PKDCC: variants seen among roughly 807,000 people sequenced by gnomAD.
PKDCC encodes the protein protein kinase domain containing, cytoplasmic.
PKDCC carries 35 observed loss-of-function variants against 44.7 expected under a neutral mutation model. The observed-to-expected ratio is 0.78, with a 90% CI of 0.60 to 1.04. PKDCC has a LOEUF of 1.04. Among genes scored for constraint, PKDCC ranks in the 50% least tolerant of loss-of-function variants. PKDCC has a pLI of 0.00. For missense variants in PKDCC, 738 were observed against 672.7 expected (o/e 1.10, Z -1.07); for synonymous variants, 353 against 303.3 (o/e 1.16, Z -1.70).
In PKDCC at chr2:42,048,737, C is replaced by A. The variant is rs1388609605; in HGVS notation, c.538C>A (p.Arg180Ser). ...FSGHDLGSCV[R>S]EFGVRRGCYR... is the part of the protein sequence containing the mutation. ...CGGCCACGATCTGGGCAGCTGCGTG[C>A]GCGAGTTCGGGGTACGGAGGGGCTG... Residue 180 changes from arginine (R) to serine (S), a missense_variant, in exon 1 of 7, where the codon CGC becomes AGC. Coordinates refer to ENST00000294964, the MANE Select transcript of PKDCC (RefSeq NM_138370.3). This position sits in a 1 kb window ranked among gnomAD's most constrained non-coding sequence, Gnocchi z 6.2. The A allele has an allele frequency of 1.3e-6, 2 of 1,573,258 alleles. No individual in the cohort carries two copies. The highest frequency in any genetic ancestry group is 2.3e-5 in the East Asian group (1 of 43,016).
At position 42,055,321 on chromosome 2, in the gene PKDCC, C is replaced by T; in HGVS notation, c.1150C>T (p.Gln384Ter). 1 of 1,613,690 alleles carries T rather than the reference C, an allele frequency of 6.2e-7. No homozygotes were observed. Among genetic ancestry groups the T allele is most frequent in the Non-Finnish European group, 8.5e-7 (1 of 1,179,994 alleles). The part of the protein sequence containing the change: ...LAWGVDETLA[Q>*]LEKVLHLYRS... Reference sequence around the variant, plus strand: ...CTGGGGGGTGGACGAGACCCTGGCCCAGCTGGAGAAGGTGCTGCACCTGTA... The same window carrying T: ...CTGGGGGGTGGACGAGACCCTGGCCTAGCTGGAGAAGGTGCTGCACCTGTA... Residue 384 changes from glutamine (Q) to a stop codon, truncating the protein, a stop_gained, in exon 5 of 7, where the codon CAG (glutamine) becomes TAG (stop). Coordinates refer to ENST00000294964, the MANE Select transcript of PKDCC (RefSeq NM_138370.3). LOFTEE classifies it high-confidence loss of function. The surrounding 1 kb of genome is among the most constrained non-coding windows in gnomAD (Gnocchi z 4.5).
chr2:42,054,595 A>G lies in PKDCC; in HGVS notation c.1034+288A>G. On this transcript the variant is annotated intron_variant, in intron 3 of 6. Transcript: ENST00000294964. This position sits in a 1 kb window ranked among gnomAD's most constrained non-coding sequence, Gnocchi z 6.1. ...GTGGAACTGGCACTTTTCCCTTCCC[A>G]CCCAGGCCCTTGTGCTCTGGGAAAT... 1 of 537,750 alleles carries G rather than the reference A, an allele frequency of 1.9e-6. No homozygotes were observed. The allele number at this position is 537,750 out of a possible 1,614,324, so 33.3% of individuals were successfully genotyped here. A position where few individuals can be genotyped will look rare whatever the true frequency, so the allele number is the denominator to read the frequency against.
rs1667964461 is a variant in PKDCC at position 42,051,367 on chromosome 2, C to G, written c.640-1872C>G. On this transcript the variant is annotated intron_variant, in intron 1 of 6. Coordinates refer to ENST00000294964, the MANE Select transcript of PKDCC (RefSeq NM_138370.3). The surrounding 1 kb of genome is among the most constrained non-coding windows in gnomAD (Gnocchi z 4.2). ...CCCTCCCCCAGTCATCCTGGGGCCC[C>G]CAGGCCTTGGATGGGCCCCCAGGCC... Among the ~76,000 whole-genome samples, 1 of 83,360 alleles carries G rather than the reference C, an allele frequency of 1.2e-5. No individual in the cohort carries two copies. Among genetic ancestry groups the G allele is most frequent in the Non-Finnish European group, 2.6e-5 (1 of 39,058 alleles). 54.7% of individuals were successfully genotyped at this position (83,360 alleles called of 152,430 possible). A position where few individuals can be genotyped will look rare whatever the true frequency, so the allele number is the denominator to read the frequency against.
Position 42,054,025 on chromosome 2 carries a change from G to A in PKDCC, c.763-11G>A, listed in dbSNP as rs754445250. 2.5e-6 allele frequency: 4 copies of A among 1,606,418 alleles called. No homozygotes were observed. Among genetic ancestry groups the A allele is most frequent in the Admixed American group, 3.3e-5 (2 of 59,830 alleles). On this transcript the variant is annotated splice_polypyrimidine_tract_variant and intron_variant, in intron 2 of 6. Transcript: ENST00000294964. The surrounding 1 kb of genome is among the most constrained non-coding windows in gnomAD (Gnocchi z 6.1). ...GAAAAGCAGTGAGCAGTCTTTTCTTGTGCCCCTCAGATCTGCCTGAGCCTG... is the reference window on the plus strand; with the variant it reads ...GAAAAGCAGTGAGCAGTCTTTTCTTATGCCCCTCAGATCTGCCTGAGCCTG...
At position 42,057,920 on chromosome 2, in the gene PKDCC, G is replaced by C; in HGVS notation, c.*232G>C. On this transcript the variant is annotated 3_prime_UTR_variant, in exon 7 of 7. Transcript: ENST00000294964. ...CTGGCTCCTAGTCCAGGAATCATGGGGGTATGACTGCCTCTCCAACCCTGT... is the reference window on the plus strand; with the variant it reads ...CTGGCTCCTAGTCCAGGAATCATGGCGGTATGACTGCCTCTCCAACCCTGT... 1 of 553,272 alleles carries C rather than the reference G, an allele frequency of 1.8e-6. No individual in the cohort carries two copies. The highest frequency in any genetic ancestry group is 3.1e-5 in the East Asian group (1 of 32,616). 34.3% of individuals were successfully genotyped at this position (553,272 alleles called of 1,614,324 possible).
chr2:42,057,471 G>A (rs1668076539), intron 6 of PKDCC, 77 bp downstream of exon 6: 9 of 1,585,144 alleles, frequency 5.7e-6, no homozygotes, highest in South Asian at 1.1e-5. Context: ...ATCCCCCATC[G>A]GAAGTCAGAG....
At chr2:42,053,025 G>T (rs990365955) in intron 1 of PKDCC, among the ~76,000 whole-genome samples, 1 of 152,192 alleles carries the variant, frequency 6.6e-6, no homozygotes, top group African/African-American at 2.4e-5. Context: ...TACCTGAGTC[G>T]GAAGGGGTGA....
At chr2:42,057,171 T>C (rs777398230) in intron 5 of PKDCC, 50 bp from the exon 6 acceptor site, 3 of 1,596,518 alleles carry the variant, frequency 1.9e-6, no homozygotes, top group South Asian at 2.2e-5. Flanking sequence ...CCTTGGGCAC[T>C]CAAACCTGGG....
intron 2 of PKDCC, 91 bp from the exon 3 acceptor site, chr2:42,053,945 A>G: frequency 6.7e-7 from 1 of 1,500,580 alleles, no homozygotes; most frequent in Non-Finnish European, 9.0e-7. Flanking sequence ...CCACAAGCAA[A>G]GTTCAGATTC....
chr2:42,048,700 G>A lies in PKDCC; in HGVS notation c.501G>A (p.Ala167=). 1.9e-6 allele frequency: 3 copies of A among 1,553,426 alleles called. No homozygotes were observed. The highest frequency in any genetic ancestry group is 2.6e-6 in the Non-Finnish European group (3 of 1,149,774). The change falls in exon 1 of 7, where the codon GCG becomes GCA. Residue 167 remains alanine, a synonymous_variant. Coordinates refer to ENST00000294964, the MANE Select transcript of PKDCC (RefSeq NM_138370.3). This position sits in a 1 kb window ranked among gnomAD's most constrained non-coding sequence, Gnocchi z 6.2. ...LPGGAAVALK[A]VDFSGHDLGS... is the part of the protein sequence containing the mutation. ...GCGGTGCCGCGGTGGCGCTCAAGGCGGTGGACTTTAGCGGCCACGATCTGG... is the reference window on the plus strand; with the variant it reads ...GCGGTGCCGCGGTGGCGCTCAAGGCAGTGGACTTTAGCGGCCACGATCTGG...
In PKDCC at chr2:42,054,112, G is replaced by GC; in HGVS notation, c.842dup (p.Arg282SerfsTer17). 1.2e-6 allele frequency: 2 copies of GC among 1,613,142 alleles called. No individual in the cohort carries two copies. The highest frequency in any genetic ancestry group is 1.7e-6 in the Non-Finnish European group (2 of 1,179,862). ...GGCTCCGTCACTCTGCTGGACTTCC[G>GC]CCCTCGGCAGTTTGTGCTGGTGGAT... is the stretch of plus-strand genomic sequence containing the variant. On this transcript the variant is annotated frameshift_variant, in exon 3 of 7. Transcript: ENST00000294964. LOFTEE classifies it high-confidence loss of function. The surrounding 1 kb of genome is among the most constrained non-coding windows in gnomAD (Gnocchi z 6.1).
chr2:42,050,329 A>T (rs539373271), intron 1 of PKDCC, among the ~76,000 whole-genome samples: 165 of 152,234 alleles, frequency 1.1e-3, no homozygotes, highest in South Asian at 2.9e-3. Context: ...AACTTTTTGG[A>T]AACTCTAGGG....
intron 6 of PKDCC, 36 bp from the exon 7 acceptor site, chr2:42,057,567 C>T (rs1289386635): frequency 1.2e-6 from 2 of 1,603,028 alleles, no homozygotes; most frequent in Middle Eastern, 3.3e-4. Context: ...GAAAGAGAAA[C>T]ATCCAGCCCT....
chr2:42,056,147 TCA>T (rs1326235099), intron 5 of PKDCC, among the ~76,000 whole-genome samples: 1 of 152,062 alleles, frequency 6.6e-6, no homozygotes, highest in Non-Finnish European at 1.5e-5. Context: ...GGGCTGTAAA[TCA>T]CAGTCAGCCC....
chr2:42,057,687 G>T lies in PKDCC; in HGVS notation c.1481G>T (p.Ter494LeuextTer3). 3.7e-6 allele frequency: 6 copies of T among 1,613,496 alleles called. No individual in the cohort carries two copies. Among genetic ancestry groups the T allele is most frequent in the Non-Finnish European group, 5.1e-6 (6 of 1,179,780 alleles). Residue 494 changes from the stop codon to leucine (L), a stop_lost, in exon 7 of 7, where the codon TGA becomes TTA. Transcript: ENST00000294964. ...ACCACATATGTGAAGGCCTCTGGCT[G>T]ACCTATCTGAGGGCTCGGCTGACCA... ...NKTTYVKASG[*>L]
intron 5 of PKDCC, among the ~76,000 whole-genome samples, chr2:42,056,714 T>G (rs995028555): frequency 2.0e-5 from 3 of 151,140 alleles, no homozygotes; most frequent in Admixed American, 2.0e-4. Context: ...TAGTAAGCTA[T>G]GATTGTGTCA....
intron 1 of PKDCC, among the ~76,000 whole-genome samples, chr2:42,050,140 T>C (rs1667941940): frequency 6.6e-6 from 1 of 152,198 alleles, no homozygotes; most frequent in Non-Finnish European, 1.5e-5. Flanking sequence ...CAGACACTTG[T>C]GACCGGGCCC....
intron 5 of PKDCC, among the ~76,000 whole-genome samples, chr2:42,056,276 G>A (rs371643954): frequency 6.6e-6 from 1 of 152,154 alleles, no homozygotes; most frequent in Admixed American, 6.5e-5. Flanking sequence ...AAAGACAGGA[G>A]CAAACAAGAG....
intron 2 of PKDCC, among the ~76,000 whole-genome samples, chr2:42,053,808 C>A (rs542981528): frequency 1.3e-5 from 2 of 152,290 alleles, no homozygotes; most frequent in African/African-American, 4.8e-5. Context: ...CAGTTTCCCA[C>A]CCACTCCATA....
Sources: gnomAD v4.1 joint callset for allele counts (sites outside exome capture counted in the v4.1 genomes callset) on GRCh38, gnomAD v4.1.1 for gene constraint, Gnocchi (gnomAD v3.1) non-coding constraint, MANE v1.5 for transcripts, NCBI Gene and HGNC (gene_info 2026-07-23, HGNC 2026-07-21) for gene names.